PAX8: variants seen among roughly 807,000 people sequenced by gnomAD.
PAX8 encodes paired box protein Pax-8.
In PAX8, 15 loss-of-function variants were observed where a neutral mutation model predicts 52.4. The ratio of observed to expected loss-of-function variants is 0.29; its 90% CI spans 0.19 to 0.44. PAX8 has a LOEUF of 0.44. Ranked by LOEUF, PAX8 falls within the 20% of genes least tolerant of loss-of-function variation. The probability of loss-of-function intolerance (pLI) is 1.00; values close to 1 mark genes in which losing one functional copy is unlikely to be tolerated. For missense variants in PAX8, 554 were observed against 602.5 expected (o/e 0.92, Z 0.84); for synonymous variants, 284 against 249.7 (o/e 1.14, Z -1.29).
chr2:113,248,440 G>A (rs1459987886), intron 2 of PAX8, among the ~76,000 whole-genome samples: 1 of 152,236 alleles, frequency 6.6e-6, no homozygotes, highest in Non-Finnish European at 1.5e-5. Context: ...GGAAGGTAGA[G>A]CCCTGCAGTG....
intron 10 of PAX8, among the ~76,000 whole-genome samples, chr2:113,223,281 T>C (rs1689367046): frequency 6.6e-6 from 1 of 152,168 alleles, no homozygotes; most frequent in Non-Finnish European, 1.5e-5. Context: ...TTGTTTCCTC[T>C]ATTTTCTCAT....
At chr2:113,237,398 G>T (rs2104466477) in intron 7 of PAX8, 1 of 152,280 alleles carries the variant, frequency 6.6e-6, no homozygotes, top group Middle Eastern at 3.4e-3. Flanking sequence ...GCCCAATTTT[G>T]TATAGTGAAA....
At chr2:113,222,818 C>G (rs755579571) in intron 10 of PAX8, among the ~76,000 whole-genome samples, 19 of 152,226 alleles carry the variant, frequency 1.2e-4, no homozygotes, top group Admixed American at 2.6e-4. Context: ...CCCACAGTCT[C>G]TAACTCCATC....
chr2:113,237,924 T>C (rs982078264), intron 7 of PAX8: 2 of 152,322 alleles, frequency 1.3e-5, no homozygotes, highest in South Asian at 4.1e-4. Context: ...GGTTGCATGC[T>C]GGGCACTTTT....
At chr2:113,260,767 T>C (rs1411503560) in intron 2 of PAX8, among the ~76,000 whole-genome samples, 1 of 152,172 alleles carries the variant, frequency 6.6e-6, no homozygotes, top group East Asian at 1.9e-4. Context: ...TCTGAGATCT[T>C]AACTAGGATA....
At chr2:113,250,095 G>T (rs1274250375) in intron 2 of PAX8, among the ~76,000 whole-genome samples, 1 of 151,750 alleles carries the variant, frequency 6.6e-6, no homozygotes, top group African/African-American at 2.4e-5. Context: ...GTGAAACCCC[G>T]TCTCTACTAA....
intron 5 of PAX8, among the ~76,000 whole-genome samples, 187 bp downstream of exon 5, chr2:113,242,503 T>A (rs1375427698): frequency 6.6e-6 from 1 of 152,134 alleles, no homozygotes; most frequent in Non-Finnish European, 1.5e-5. Context: ...GTTCAGTGAA[T>A]CTGCCCTGGG....
rs1191615630 is a variant in PAX8, at chr2:113,236,714, T to C, written c.785A>G (p.Tyr262Cys). ...PSHTKGEQGL[Y>C]PLPLLNSTLD... is the part of the protein sequence containing the mutation. ...GGTGCTGTTGAGCAAGGGCAGCGGG[T>C]AGAGGCCCTGGGGAGCAAAGAGAAG... is the stretch of plus-strand genomic sequence containing the variant. The change falls in exon 8 of 12, where the codon TAC (tyrosine) becomes TGC (cysteine). Residue 262 changes from tyrosine (Y) to cysteine (C), a missense_variant. By Grantham distance (194) the Tyr-to-Cys change is radical (BLOSUM62 -2). Around this residue, in one of 2 missense-constraint regions of PAX8, gnomAD observed 445 missense variants for 409.9 expected, o/e 1.09. Coordinates refer to ENST00000429538, the MANE Select transcript of PAX8 (RefSeq NM_003466.4). The C allele has an allele frequency of 1.3e-6, 2 of 1,567,376 alleles. No individual in the cohort carries two copies. Among genetic ancestry groups the C allele is most frequent in the Non-Finnish European group, 1.7e-6 (2 of 1,156,932 alleles).
chr2:113,219,012 T>C (rs1274016328), intron 11 of PAX8, among the ~76,000 whole-genome samples: 1 of 152,158 alleles, frequency 6.6e-6, no homozygotes, highest in Non-Finnish European at 1.5e-5. Context: ...CCAGGGAGAT[T>C]AGACTGCTGA....
At chr2:113,241,841 C>T in intron 6 of PAX8, 115 bp from the exon 7 acceptor site, 4 of 1,461,330 alleles carry the variant, frequency 2.7e-6, no homozygotes, top group South Asian at 1.2e-5. Context: ...AAAGGGCCAG[C>T]CACGTGGGCC....
intron 7 of PAX8, 90 bp from the exon 8 acceptor site, chr2:113,236,811 C>G (rs1400130143): frequency 2.1e-6 from 3 of 1,451,500 alleles, no homozygotes; most frequent in Non-Finnish European, 9.3e-7. Context: ...GACTTGGCAG[C>G]CCTCATCTCC....
At chr2:113,227,134 T>C (rs1005027035) in intron 10 of PAX8, 21 bp downstream of exon 10, 1 of 1,567,182 alleles carries the variant, frequency 6.4e-7, no homozygotes, top group African/African-American at 1.3e-5. Context: ...GTGCTCCCCT[T>C]CCTGCCGGCC....
chr2:113,231,758 C>T (rs1689906673), intron 9 of PAX8, among the ~76,000 whole-genome samples: 3 of 152,266 alleles, frequency 2.0e-5, no homozygotes, highest in Admixed American at 6.5e-5. Flanking sequence ...GATGGAGTTT[C>T]GCTCTTGTTG....
chr2:113,218,211 G>A lies in PAX8; in HGVS notation c.*322C>T, dbSNP rs186973055. 2.0e-5 allele frequency: 6 copies of A among 303,952 alleles called. No homozygotes were observed. The Admixed American group carries it at 2.0e-4, about 10-fold the overall frequency. 18.8% of individuals were successfully genotyped at this position (303,952 alleles called of 1,614,324 possible). A position where few individuals can be genotyped will look rare whatever the true frequency, so the allele number is the denominator to read the frequency against. On this transcript the variant is annotated 3_prime_UTR_variant, in exon 12 of 12. Coordinates refer to ENST00000429538, the MANE Select transcript of PAX8 (RefSeq NM_003466.4). ...CATTCGCCATCCCCCCAAGTTCCTC[G>A]GCTATTGCTTCTTCTCTCCTTTGGT...
At chr2:113,272,059 C>T in intron 2 of PAX8, 1 of 152,354 alleles carries the variant, frequency 6.6e-6, no homozygotes, top group Non-Finnish European at 1.5e-5. Context: ...GCTGGCTTGG[C>T]TGAGCCACAG....
At chr2:113,218,727 G>T in intron 11 of PAX8, 118 bp from the exon 12 acceptor site, 1 of 619,238 alleles carries the variant, frequency 1.6e-6, no homozygotes, top group Non-Finnish European at 2.8e-6. Flanking sequence ...TCATTTCTCT[G>T]GCCTATCTGA....
chr2:113,239,016 A>C (rs1393960301), intron 7 of PAX8: 1 of 151,740 alleles, frequency 6.6e-6, no homozygotes, highest in African/African-American at 2.4e-5. Context: ...TGGTCATGAA[A>C]TAGCAACCAG....
At chr2:113,255,663 A>G (rs1241366700) in intron 2 of PAX8, 1 of 152,200 alleles carries the variant, frequency 6.6e-6, no homozygotes, top group Admixed American at 6.5e-5. Flanking sequence ...TTACACCACT[A>G]AGGAAACTGT....
At chr2:113,273,582 T>C (rs1007682197) in intron 2 of PAX8, 8 of 152,342 alleles carry the variant, frequency 5.3e-5, no homozygotes, top group African/African-American at 1.9e-4. Context: ...TAATTTGATA[T>C]GAATATTTGA....
Sources: allele counts gnomAD v4.1 joint callset (sites outside exome capture counted in the v4.1 genomes callset), GRCh38; gene constraint gnomAD v4.1.1; regional missense constraint gnomAD v4.1.1; transcripts MANE v1.5; gene names NCBI Gene and HGNC (gene_info 2026-07-23, HGNC 2026-07-21).